Variants in FAM168A observed in about 807,000 individuals in gnomAD.
The protein encoded by FAM168A is family with sequence similarity 168 member A.
Under a neutral mutation model 28.5 loss-of-function variants are expected in FAM168A, and 3 were observed. That is an observed-to-expected ratio of 0.11 (90% CI 0.05 to 0.27). The LOEUF is 0.27. FAM168A is among the 10% of genes least tolerant of loss of function. The pLI is 1.00. For synonymous variants in FAM168A, 122 were observed against 124.2 expected (o/e 0.98, Z 0.12); for missense variants, 222 against 311.5 (o/e 0.71, Z 2.16).
At chr11:73,526,915 G>A (rs978172590) in intron 1 of FAM168A, among the ~76,000 whole-genome samples, 5 of 134,714 alleles carry the variant, frequency 3.7e-5, no homozygotes, top group Admixed American at 7.4e-5. Context: ...GAAACAAACT[G>A]AAACAGTTGG....
chr11:73,485,944 G>A (rs1034949108), intron 1 of FAM168A, among the ~76,000 whole-genome samples: 1 of 152,056 alleles, frequency 6.6e-6, no homozygotes, highest in Non-Finnish European at 1.5e-5. Context: ...TTCAGCCCCC[G>A]CATTTATAAA....
At chr11:73,594,984 A>G (rs1039816278) in intron 1 of FAM168A, among the ~76,000 whole-genome samples, 2 of 152,184 alleles carry the variant, frequency 1.3e-5, no homozygotes, top group African/African-American at 4.8e-5. Flanking sequence ...TCTCACCAAG[A>G]TATCGGGAGG....
intron 2 of FAM168A, among the ~76,000 whole-genome samples, chr11:73,447,249 T>C (rs1289763803): frequency 1.3e-5 from 2 of 152,094 alleles, no homozygotes; most frequent in Non-Finnish European, 2.9e-5. Context: ...AAATTACATT[T>C]CCAGTTTTCT....
chr11:73,579,549 G>A (rs1208588929), intron 1 of FAM168A, among the ~76,000 whole-genome samples: 1 of 152,166 alleles, frequency 6.6e-6, no homozygotes, highest in Non-Finnish European at 1.5e-5. Flanking sequence ...AATATCATCA[G>A]TGTCAGTAAA....
intron 1 of FAM168A, among the ~76,000 whole-genome samples, chr11:73,498,136 T>A (rs1397752597): frequency 6.6e-6 from 1 of 152,130 alleles, no homozygotes; most frequent in Non-Finnish European, 1.5e-5. Context: ...GATGGCCAAC[T>A]AGAAGCAGTG....
intron 1 of FAM168A, among the ~76,000 whole-genome samples, chr11:73,597,450 A>G (rs1399603475): frequency 6.6e-6 from 1 of 151,538 alleles, no homozygotes. Context: ...CAGGGCCCTA[A>G]CCAACCCTGT....
At chr11:73,531,727 C>A (rs1010260033) in intron 1 of FAM168A, among the ~76,000 whole-genome samples, 4 of 151,806 alleles carry the variant, frequency 2.6e-5, no homozygotes, top group African/African-American at 9.7e-5. Context: ...ATACTGTTTT[C>A]TCTGCCCACA....
chr11:73,437,530 C>T (rs1024827021), intron 2 of FAM168A, among the ~76,000 whole-genome samples: 1 of 151,648 alleles, frequency 6.6e-6, no homozygotes, highest in Admixed American at 6.6e-5. Context: ...CAGCCTCCCG[C>T]AGCATACTCT....
intron 2 of FAM168A, among the ~76,000 whole-genome samples, chr11:73,465,669 C>A (rs1229601349): frequency 9.7e-6 from 1 of 103,362 alleles, no homozygotes; most frequent in Non-Finnish European, 1.9e-5. Context: ...ATCCTCATGA[C>A]CTCATCTAAA....
chr11:73,430,710 T>C lies in FAM168A; in HGVS notation c.131A>G (p.Asn44Ser), dbSNP rs1240432079. The change falls in exon 3 of 8, where the codon AAT (asparagine) becomes AGT (serine). Residue 44 changes from asparagine to serine, a missense_variant. By Grantham distance (46) the Asn-to-Ser change is conservative. Around this residue, in one of 3 missense-constraint regions of FAM168A, gnomAD observed 153 missense variants for 189.2 expected, o/e 0.81. Transcript: ENST00000356467. ...PAYNPSLYPT[N>S]SPSYAPATLL... ...CTTACCTGGAGCATAACTGGGACTA[T>C]TGGTGGGGTACAGGCTGGGATTGTA... 24 of 1,613,706 alleles carry C rather than the reference T, an allele frequency of 1.5e-5. No individual in the cohort carries two copies. The highest frequency in any genetic ancestry group is 3.3e-4 in the Middle Eastern group (2 of 6,066).
At chr11:73,544,639 GA>G (rs945152003) in intron 1 of FAM168A, among the ~76,000 whole-genome samples, 2 of 136,444 alleles carry the variant, frequency 1.5e-5, no homozygotes, top group African/African-American at 5.6e-5. Context: ...AATGAACCTT[GA>G]AAAAATATAT....
chr11:73,563,791 T>C (rs760334214), intron 1 of FAM168A, among the ~76,000 whole-genome samples: 37 of 152,190 alleles, frequency 2.4e-4, no homozygotes, highest in Non-Finnish European at 4.4e-4. Flanking sequence ...AATTAACAAA[T>C]ACTAGGCTAT....
chr11:73,584,448 C>T (rs1944284109), intron 1 of FAM168A, among the ~76,000 whole-genome samples: 1 of 150,944 alleles, frequency 6.6e-6, no homozygotes, highest in African/African-American at 2.4e-5. Flanking sequence ...CAGGTGTGAG[C>T]CACCATGGCT....
rs1866437421 is a variant in FAM168A, at chr11:73,402,869, C to T, written c.*3894G>A. On this transcript the variant is annotated 3_prime_UTR_variant, in exon 8 of 8. Transcript: ENST00000356467. ...CCCAGGGCTCATTACAGGTCCTGGC[C>T]CAAAGCAGTTCATACAAATCTGCTC... The T allele has an allele frequency of 6.6e-6, 1 of 152,142 alleles. No individual in the cohort carries two copies. Among genetic ancestry groups the T allele is most frequent in the African/African-American group, 2.4e-5 (1 of 41,412 alleles). The allele number at this position is 152,142 out of a possible 1,614,324, so 9.4% of individuals were successfully genotyped here.
At position 73,403,789 on chromosome 11, in the gene FAM168A, C is replaced by T. The variant is rs924630873; in HGVS notation, c.*2974G>A. 1 of 152,244 alleles carries T rather than the reference C, an allele frequency of 6.6e-6. No individual in the cohort carries two copies. Among genetic ancestry groups the T allele is most frequent in the Non-Finnish European group, 1.5e-5 (1 of 68,058 alleles). The allele number at this position is 152,244 out of a possible 1,614,324, so 9.4% of individuals were successfully genotyped here. On this transcript the variant is annotated 3_prime_UTR_variant, in exon 8 of 8. Coordinates refer to ENST00000356467, the MANE Select transcript of FAM168A (RefSeq NM_015159.3). The stretch of plus-strand genomic sequence containing the variant: ...CAGCAAGAGGCTGAGGCCGGCTGAA[C>T]TGGGGCTCATACTGAAAAAGGGGTG...
At chr11:73,431,114 C>T (rs916761217) in intron 2 of FAM168A, among the ~76,000 whole-genome samples, 1 of 151,992 alleles carries the variant, frequency 6.6e-6, no homozygotes, top group African/African-American at 2.4e-5. Flanking sequence ...GAGGCTGAGG[C>T]GGGTGGATCA....
chr11:73,486,119 T>C (rs1312505681), intron 1 of FAM168A, among the ~76,000 whole-genome samples: 3 of 152,234 alleles, frequency 2.0e-5, no homozygotes, highest in Non-Finnish European at 1.5e-5. Context: ...ATGGGTATGG[T>C]TGACTTAGTT....
chr11:73,473,060 C>T (rs1590802371), intron 1 of FAM168A, among the ~76,000 whole-genome samples: 3 of 152,086 alleles, frequency 2.0e-5, no homozygotes, highest in East Asian at 3.9e-4. Context: ...CCCCTACTAC[C>T]AGCAGCTACC....
chr11:73,479,834 T>C (rs1867943990), intron 1 of FAM168A, among the ~76,000 whole-genome samples: 1 of 152,206 alleles, frequency 6.6e-6, no homozygotes, highest in Admixed American at 6.5e-5. Flanking sequence ...GTTGACTAGA[T>C]GAATGAATGG....
Sources: allele counts gnomAD v4.1 joint callset (sites outside exome capture counted in the v4.1 genomes callset), GRCh38; gene constraint gnomAD v4.1.1; regional missense constraint gnomAD v4.1.1; transcripts MANE v1.5; gene names NCBI Gene and HGNC (gene_info 2026-07-23, HGNC 2026-07-21).